Variants in GALNT13 observed in about 807,000 individuals in gnomAD.
GALNT13 encodes the protein UDP-GalNAc:polypeptide N-acetylgalactosaminyltransferase 13.
Under a neutral mutation model 64.2 loss-of-function variants are expected in GALNT13, and 28 were observed. That is an observed-to-expected ratio of 0.44 (90% CI 0.32 to 0.60). GALNT13 has a LOEUF of 0.60. Ranked by LOEUF, GALNT13 falls within the 20% of genes least tolerant of loss-of-function variation. The pLI, the probability that GALNT13 is intolerant of heterozygous loss-of-function variation, is 0.05. For missense variants in GALNT13, 577 were observed against 669.8 expected, an observed-to-expected ratio of 0.86 and a Z score of 1.53; for synonymous variants, 214 against 224.6, an observed-to-expected ratio of 0.95 and a Z score of 0.42.
the GALNT13 span, among the ~76,000 whole-genome samples, chr2:153,679,715 C>T: frequency 1.4e-4 from 22 of 151,950 alleles, no homozygotes; most frequent in East Asian, 1.7e-3. Context: ...AACTATATCA[C>T]GCTTTTACCA....
chr2:154,309,897 G>A (rs1693938779), intron 9 of GALNT13, among the ~76,000 whole-genome samples: 1 of 152,078 alleles, frequency 6.6e-6, no homozygotes, highest in Non-Finnish European at 1.5e-5. Context: ...CAAAAGCCAT[G>A]AACATGGCCA....
the GALNT13 span, among the ~76,000 whole-genome samples, chr2:153,529,625 T>C: frequency 6.6e-6 from 1 of 151,464 alleles, no homozygotes; most frequent in Non-Finnish European, 1.5e-5. Context: ...TACAGGCCAA[T>C]ATCTCATGAA....
chr2:154,083,186 T>A (rs920816793), intron 3 of GALNT13, among the ~76,000 whole-genome samples: 1 of 152,088 alleles, frequency 6.6e-6, no homozygotes, highest in Non-Finnish European at 1.5e-5. Flanking sequence ...TCCCATTGCT[T>A]GTTTTTGTCA....
the GALNT13 span, among the ~76,000 whole-genome samples, chr2:153,605,675 T>C: frequency 5.9e-5 from 9 of 152,112 alleles, no homozygotes; most frequent in Non-Finnish European, 7.4e-5. Context: ...GGTTATCAGT[T>C]CTTGGTCTTG....
At chr2:153,740,227 A>C in the GALNT13 span, among the ~76,000 whole-genome samples, 1 of 151,960 alleles carries the variant, frequency 6.6e-6, no homozygotes. Flanking sequence ...TTACATCTAC[A>C]CTATGTGGTT....
At chr2:153,104,674 A>G in the GALNT13 span, among the ~76,000 whole-genome samples, 1 of 152,260 alleles carries the variant, frequency 6.6e-6, no homozygotes, top group East Asian at 1.9e-4. Flanking sequence ...AAGTATTTCC[A>G]TTATCTACCA....
At chr2:153,156,402 C>T in the GALNT13 span, among the ~76,000 whole-genome samples, 3 of 152,136 alleles carry the variant, frequency 2.0e-5, no homozygotes, top group Non-Finnish European at 4.4e-5. Flanking sequence ...CATCTATCCT[C>T]AGTACATATG....
chr2:153,198,414 A>C, the GALNT13 span, among the ~76,000 whole-genome samples: 1 of 152,056 alleles, frequency 6.6e-6, no homozygotes, highest in Admixed American at 6.6e-5. Context: ...GCTGCTCCAA[A>C]TCTCTGGCTA....
At chr2:154,057,987 C>T (rs957115809) in intron 3 of GALNT13, among the ~76,000 whole-genome samples, 1 of 152,120 alleles carries the variant, frequency 6.6e-6, no homozygotes, top group South Asian at 2.1e-4. Context: ...GCACTTGAGT[C>T]CCAGGAAGAT....
chr2:153,613,674 T>C, the GALNT13 span, among the ~76,000 whole-genome samples: 1 of 152,164 alleles, frequency 6.6e-6, no homozygotes, highest in African/African-American at 2.4e-5. Context: ...CCTTCCTGTG[T>C]CCAAGTGTTC....
At chr2:153,722,608 A>T in the GALNT13 span, among the ~76,000 whole-genome samples, 1 of 152,042 alleles carries the variant, frequency 6.6e-6, no homozygotes, top group African/African-American at 2.4e-5. Flanking sequence ...ACAATAAAAA[A>T]TGATAAAGGG....
intron 4 of GALNT13, among the ~76,000 whole-genome samples, chr2:154,161,783 A>AT (rs199651253): frequency 0.13 from 19,888 of 147,534 alleles, 1,460 homozygotes; most frequent in Middle Eastern, 0.22. Flanking sequence ...AATCAAGTGT[A>AT]TTTTTTTTTT....
intron 4 of GALNT13, among the ~76,000 whole-genome samples, chr2:154,232,534 C>T (rs1286942537): frequency 6.6e-6 from 1 of 152,104 alleles, no homozygotes; most frequent in Non-Finnish European, 1.5e-5. Context: ...AACGTACCAT[C>T]TTTATTTACC....
At chr2:153,798,425 T>A in the GALNT13 span, among the ~76,000 whole-genome samples, 1 of 152,214 alleles carries the variant, frequency 6.6e-6, no homozygotes. Context: ...ACTATATATG[T>A]TCATGTTTGC....
At chr2:154,091,095 C>T (rs923264684) in intron 3 of GALNT13, among the ~76,000 whole-genome samples, 2 of 151,866 alleles carry the variant, frequency 1.3e-5, no homozygotes, top group Non-Finnish European at 2.9e-5. Flanking sequence ...CAGTAACTGA[C>T]TCTTTGTGTA....
At chr2:153,359,889 G>T in the GALNT13 span, among the ~76,000 whole-genome samples, 1 of 152,122 alleles carries the variant, frequency 6.6e-6, no homozygotes, top group African/African-American at 2.4e-5. Context: ...TGAAATACGA[G>T]AAATGAAAAA....
the GALNT13 span, among the ~76,000 whole-genome samples, chr2:153,490,419 C>A: frequency 6.6e-6 from 1 of 152,070 alleles, no homozygotes; most frequent in Non-Finnish European, 1.5e-5. Context: ...CTTGCTCTGT[C>A]ACCCAGGCTA....
At chr2:154,136,946 A>G (rs1256895602) in intron 3 of GALNT13, among the ~76,000 whole-genome samples, 2 of 152,000 alleles carry the variant, frequency 1.3e-5, no homozygotes, top group Non-Finnish European at 2.9e-5. Flanking sequence ...ACATATTTAG[A>G]TGACAAGTGG....
At chr2:153,239,339 T>C in the GALNT13 span, among the ~76,000 whole-genome samples, 3 of 152,186 alleles carry the variant, frequency 2.0e-5, no homozygotes, top group East Asian at 5.8e-4. Flanking sequence ...CTTTCTGTAG[T>C]CTGATTGCTT....
Sources: gnomAD v4.1 joint callset for allele counts (sites outside exome capture counted in the v4.1 genomes callset) on GRCh38, gnomAD v4.1.1 for gene constraint, MANE v1.5 for transcripts, NCBI Gene and HGNC (gene_info 2026-07-23, HGNC 2026-07-21) for gene names.